Variants in ADGRL3 observed in about 807,000 individuals in gnomAD.
The protein encoded by ADGRL3 is calcium-independent alpha-latrotoxin receptor 3.
ADGRL3 carries 62 observed loss-of-function variants against 153.5 expected under a neutral mutation model. The observed-to-expected ratio is 0.40, with a 90% CI of 0.33 to 0.50. The LOEUF (loss-of-function observed/expected upper bound fraction) is 0.50, where lower values mean the gene tolerates loss of function less well. Ranked by LOEUF, ADGRL3 falls within the 20% of genes least tolerant of loss-of-function variation. ADGRL3 has a pLI of 0.47. For missense variants in ADGRL3, 1,641 were observed against 1,859.4 expected, an observed-to-expected ratio of 0.88 and a Z score of 2.16; for synonymous variants, 710 against 672.5, an observed-to-expected ratio of 1.06 and a Z score of -0.86.
chr4:61,349,469 A>C (rs1018288677), intron 1 of ADGRL3, among the ~76,000 whole-genome samples: 1 of 152,108 alleles, frequency 6.6e-6, no homozygotes, highest in Admixed American at 6.5e-5. Flanking sequence ...TGGTTATTTT[A>C]GCAATAAATC....
At chr4:61,215,645 G>C (rs144691560) in intron 1 of ADGRL3, among the ~76,000 whole-genome samples, 1 of 142,258 alleles carries the variant, frequency 7.0e-6, no homozygotes, top group African/African-American at 2.6e-5. Flanking sequence ...TCCGCCTCCC[G>C]GGTTCACGCC....
At chr4:61,607,551 G>A (rs2099037313) in intron 5 of ADGRL3, among the ~76,000 whole-genome samples, 1 of 152,088 alleles carries the variant, frequency 6.6e-6, no homozygotes, top group Non-Finnish European at 1.5e-5. Flanking sequence ...AGTGAGCCGA[G>A]ATTGCATCAC....
intron 2 of ADGRL3, among the ~76,000 whole-genome samples, chr4:61,399,135 G>A (rs2096901539): frequency 6.6e-6 from 1 of 151,626 alleles, no homozygotes; most frequent in African/African-American, 2.4e-5. Flanking sequence ...GGAATCAGAC[G>A]TTACTAAAAT....
At chr4:61,219,147 A>G (rs921114517) in intron 1 of ADGRL3, among the ~76,000 whole-genome samples, 3 of 152,148 alleles carry the variant, frequency 2.0e-5, no homozygotes, top group African/African-American at 7.2e-5. Context: ...TGCATTGCAT[A>G]GTACCCATTT....
At chr4:61,608,011 G>C (rs759968188) in intron 5 of ADGRL3, among the ~76,000 whole-genome samples, 1 of 152,172 alleles carries the variant, frequency 6.6e-6, no homozygotes, top group Non-Finnish European at 1.5e-5. Flanking sequence ...CGCAAAGGTA[G>C]TTTCATTGTT....
chr4:61,282,768 AAAAT>A (rs1354989276), intron 1 of ADGRL3, among the ~76,000 whole-genome samples: 6 of 152,082 alleles, frequency 3.9e-5, no homozygotes, highest in Non-Finnish European at 2.9e-5. Context: ...GCACTGATAA[AAAAT>A]AAAACCTCAT....
intron 21 of ADGRL3, among the ~76,000 whole-genome samples, chr4:62,004,260 T>A: frequency 6.6e-6 from 1 of 152,100 alleles, no homozygotes; most frequent in African/African-American, 2.4e-5. Context: ...TTAATGTTAA[T>A]AATAAATATA....
At chr4:61,723,539 C>A (rs923546621) in intron 6 of ADGRL3, among the ~76,000 whole-genome samples, 1 of 152,080 alleles carries the variant, frequency 6.6e-6, no homozygotes, top group African/African-American at 2.4e-5. Context: ...TTGCATAGGG[C>A]CCAGGGGATT....
chr4:61,983,434 T>C lies in ADGRL3; in HGVS notation c.3067T>C (p.Phe1023Leu), dbSNP rs2150872431. 1 of 1,613,896 alleles carries C rather than the reference T, an allele frequency of 6.2e-7. No individual in the cohort carries two copies. Reference sequence around the variant, plus strand: ...GTTACATTTCTTCTTCTTGGCTGCCTTCACCTGGATGTTCCTGGAGGGGGT... The same window carrying C: ...GTTACATTTCTTCTTCTTGGCTGCCCTCACCTGGATGTTCCTGGAGGGGGT... ...ALLHFFFLAA[F>L]TWMFLEGVQL... is the part of the protein sequence containing the mutation. The change falls in exon 19 of 27, where the codon TTC becomes CTC. Residue 1023 changes from phenylalanine to leucine, a missense_variant. Transcript: ENST00000683033.
intron 1 of ADGRL3, among the ~76,000 whole-genome samples, chr4:61,280,258 C>T (rs2202499): frequency 0.43 from 64,304 of 150,954 alleles, 13,776 homozygotes; most frequent in South Asian, 0.53. Context: ...TACAGGAGCA[C>T]GCCACCATGC....
intron 25 of ADGRL3, among the ~76,000 whole-genome samples, chr4:62,067,344 T>C (rs1432178193): frequency 6.6e-6 from 1 of 152,084 alleles, no homozygotes; most frequent in African/African-American, 2.4e-5. Context: ...TAAGAGGTTT[T>C]TTTCCTTAAA....
intron 6 of ADGRL3, among the ~76,000 whole-genome samples, chr4:61,704,427 A>C (rs1367984702): frequency 6.6e-6 from 1 of 152,220 alleles, no homozygotes; most frequent in Non-Finnish European, 1.5e-5. Flanking sequence ...TGTCTAAAAA[A>C]TACATACCTT....
chr4:61,490,483 C>A (rs947587352), intron 2 of ADGRL3, among the ~76,000 whole-genome samples: 1 of 152,038 alleles, frequency 6.6e-6, no homozygotes, highest in Middle Eastern at 3.4e-3. Context: ...AACAAAGAAA[C>A]ACACATGTAA....
intron 18 of ADGRL3, 139 bp from the exon 19 acceptor site, chr4:61,983,244 T>C: frequency 1.6e-6 from 1 of 626,934 alleles, no homozygotes; most frequent in South Asian, 2.2e-5. Flanking sequence ...AATATCTGTG[T>C]TTTAAGAATC....
At position 61,858,661 on chromosome 4, in the gene ADGRL3, A is replaced by G. The variant is rs990028768; in HGVS notation, c.1481-33995A>G. On this transcript the variant is annotated intron_variant, in intron 9 of 26. Transcript: ENST00000683033. ...AAACTTTATGAATATTAAAATTTAA[A>G]TGTCATATAATTTTCCCATAATGAA... 6.6e-5 allele frequency among the ~76,000 whole-genome samples: 10 copies of G among 152,286 alleles called. 1 individual carries two copies. The highest frequency in any genetic ancestry group is 3.9e-4 in the Admixed American group (6 of 15,300).
At chr4:61,860,172 C>T (rs1227783075) in intron 9 of ADGRL3, among the ~76,000 whole-genome samples, 1 of 152,062 alleles carries the variant, frequency 6.6e-6, no homozygotes, top group Non-Finnish European at 1.5e-5. Context: ...TTCCCAGGTG[C>T]TTTCCAACAT....
intron 2 of ADGRL3, among the ~76,000 whole-genome samples, chr4:61,447,202 T>C (rs1161005416): frequency 6.6e-6 from 1 of 152,172 alleles, no homozygotes; most frequent in Admixed American, 6.5e-5. Flanking sequence ...GACTCTTGCA[T>C]TTTTTACATC....
chr4:61,971,561 T>G (rs571271559), intron 17 of ADGRL3, among the ~76,000 whole-genome samples: 1,702 of 152,260 alleles, frequency 0.011, 33 homozygotes, highest in African/African-American at 0.039. Context: ...CTATCATTGT[T>G]GGACATTTGG....
At chr4:62,016,670 G>A (rs535900804) in intron 21 of ADGRL3, among the ~76,000 whole-genome samples, 2 of 151,998 alleles carry the variant, frequency 1.3e-5, no homozygotes, top group African/African-American at 4.8e-5. Context: ...AGCTACTCAG[G>A]AATTTTTTTT....
Sources: allele counts gnomAD v4.1 joint callset (sites outside exome capture counted in the v4.1 genomes callset), GRCh38; gene constraint gnomAD v4.1.1; transcripts MANE v1.5; gene names NCBI Gene and HGNC (gene_info 2026-07-23, HGNC 2026-07-21).